Variants in TRAPPC12 observed in about 807,000 individuals in gnomAD.
The protein encoded by TRAPPC12 is trafficking protein particle complex subunit 12.
Under a neutral mutation model 69.2 loss-of-function variants are expected in TRAPPC12, and 61 were observed. The observed-to-expected ratio is 0.88, with a 90% CI of 0.72 to 1.09. TRAPPC12 has a LOEUF of 1.09. Among genes scored for constraint, TRAPPC12 ranks in the 50% least tolerant of loss-of-function variants. The probability of loss-of-function intolerance (pLI) is 0.00; values close to 1 mark genes in which losing one functional copy is unlikely to be tolerated. For missense variants in TRAPPC12, 1,101 were observed against 1,016.4 expected, an observed-to-expected ratio of 1.08 and a Z score of -1.13; for synonymous variants, 469 against 438.9, an observed-to-expected ratio of 1.07 and a Z score of -0.86.
intron 3 of TRAPPC12, among the ~76,000 whole-genome samples, chr2:3,404,557 A>G (rs952447048): frequency 2.6e-5 from 4 of 152,090 alleles, no homozygotes; most frequent in Admixed American, 6.5e-5. Context: ...TATATGCATG[A>G]ACTGGGAGGT....
chr2:3,464,999 C>T (rs970915422), intron 8 of TRAPPC12, among the ~76,000 whole-genome samples: 1 of 152,248 alleles, frequency 6.6e-6, no homozygotes, highest in Non-Finnish European at 1.5e-5. Flanking sequence ...ACATGTTCCC[C>T]CGTAGCTGTC....
In TRAPPC12 at chr2:3,387,900, G is replaced by C. The variant is rs2103428248; in HGVS notation, c.277G>C (p.Glu93Gln). The change falls in exon 2 of 12, where the codon GAG (glutamate) becomes CAG (glutamine). Residue 93 changes from glutamate (E) to glutamine (Q), a missense_variant. Coordinates refer to ENST00000324266, the MANE Select transcript of TRAPPC12 (RefSeq NM_016030.6). ...GDLGRVRDEAEPGGEGDPGPE... is the reference protein window; with the variant it reads ...GDLGRVRDEAQPGGEGDPGPE... ...CCTGGGCCGAGTGCGGGACGAAGCT[G>C]AGCCCGGAGGGGAAGGCGACCCAGG... 1.9e-6 allele frequency: 3 copies of C among 1,555,804 alleles called. No individual in the cohort carries two copies. In the East Asian group the frequency reaches 7.3e-5, roughly 38 times the overall value.
chr2:3,386,704 G>A (rs1660509077), intron 1 of TRAPPC12, among the ~76,000 whole-genome samples: 2 of 151,918 alleles, frequency 1.3e-5, no homozygotes, highest in South Asian at 4.1e-4. Context: ...GAGCTGGGGC[G>A]TGGGGCGGGG....
chr2:3,440,922 T>C (rs1281605408), intron 5 of TRAPPC12, among the ~76,000 whole-genome samples: 1 of 152,224 alleles, frequency 6.6e-6, no homozygotes, highest in African/African-American at 2.4e-5. Context: ...ATGATTTTTG[T>C]TCTTTAGCCT....
At chr2:3,424,454 C>T in intron 4 of TRAPPC12, 71 bp from the exon 5 acceptor site, 1 of 1,424,766 alleles carries the variant, frequency 7.0e-7, no homozygotes. Flanking sequence ...AACACCAACT[C>T]ATAAGGAATA....
At chr2:3,439,282 T>C (rs1664063028) in intron 5 of TRAPPC12, among the ~76,000 whole-genome samples, 1 of 152,336 alleles carries the variant, frequency 6.6e-6, no homozygotes, top group East Asian at 1.9e-4. Flanking sequence ...CATTTATTAA[T>C]TGGGTTGTTT....
At chr2:3,398,487 T>C (rs527932156) in intron 2 of TRAPPC12, among the ~76,000 whole-genome samples, 48 of 152,348 alleles carry the variant, frequency 3.2e-4, no homozygotes, top group African/African-American at 1.1e-3. Flanking sequence ...CCTTTCTGCA[T>C]TGGCGATGTG....
intron 9 of TRAPPC12, among the ~76,000 whole-genome samples, chr2:3,476,730 A>G (rs1053523446): frequency 1.1e-4 from 16 of 152,196 alleles, no homozygotes; most frequent in African/African-American, 3.6e-4. Flanking sequence ...CTAAGAGTTA[A>G]CTAGGCTGCT....
At chr2:3,451,221 G>A (rs879632695) in intron 6 of TRAPPC12, among the ~76,000 whole-genome samples, 4 of 152,190 alleles carry the variant, frequency 2.6e-5, no homozygotes, top group African/African-American at 9.7e-5. Context: ...CTCCCATACT[G>A]TGGGCAGGTG....
chr2:3,401,789 A>G lies in TRAPPC12; in HGVS notation c.1060A>G (p.Lys354Glu). The G allele has an allele frequency of 1.3e-6, 2 of 1,587,256 alleles. No individual in the cohort carries two copies. The highest frequency in any genetic ancestry group is 2.3e-5 in the South Asian group (2 of 85,868). ...RFDNIQGDAVKDLMLRFLGEK... is the reference protein window; with the variant it reads ...RFDNIQGDAVEDLMLRFLGEK... ...CTATTCTTCCCAGGGAGATGCAGTT[A>G]AAGACTTGATGCTTCGCTTTCTGGG... Residue 354 changes from lysine to glutamate, a missense_variant, in exon 3 of 12, where the codon AAA (lysine) becomes GAA (glutamate). Transcript: ENST00000324266.
At chr2:3,423,665 C>T (rs565032692) in intron 4 of TRAPPC12, among the ~76,000 whole-genome samples, 9 of 152,280 alleles carry the variant, frequency 5.9e-5, no homozygotes, top group South Asian at 2.1e-4. Context: ...GCACAAACGA[C>T]GGGATTTCCT....
chr2:3,406,364 C>T (rs1176828541), intron 3 of TRAPPC12, among the ~76,000 whole-genome samples: 1 of 152,198 alleles, frequency 6.6e-6, no homozygotes, highest in East Asian at 1.9e-4. Context: ...TGCCTTTCTT[C>T]CCCACGTTCT....
chr2:3,400,812 G>A (rs1367266178), intron 2 of TRAPPC12, among the ~76,000 whole-genome samples: 1 of 152,178 alleles, frequency 6.6e-6, no homozygotes, highest in East Asian at 1.9e-4. Context: ...GAACTGTGCC[G>A]ACTCCCGAGG....
At chr2:3,466,198 G>A (rs1462193025) in intron 9 of TRAPPC12, 1 of 448,004 alleles carries the variant, frequency 2.2e-6, no homozygotes, top group African/African-American at 2.0e-5. Context: ...TGGTGACAGG[G>A]AGGTCACAGG....
chr2:3,443,160 G>A (rs541152896), intron 5 of TRAPPC12, among the ~76,000 whole-genome samples: 1 of 152,340 alleles, frequency 6.6e-6, no homozygotes, highest in Non-Finnish European at 1.5e-5. Context: ...AAGCCAGGCA[G>A]CTCTGGGTGA....
rs141967286 is a variant in TRAPPC12, at chr2:3,403,189, A to G, written c.1164+1296A>G. 2.4e-4 allele frequency among the ~76,000 whole-genome samples: 36 copies of G among 150,234 alleles called. No individual in the cohort carries two copies. The East Asian group carries it at 3.9e-3, about 16-fold the overall frequency. On this transcript the variant is annotated intron_variant, in intron 3 of 11. Transcript: ENST00000324266. ...ATAGTTCCCCATCTTGTTTTTCTCAATTGTTACTAATTCTTCTGCACCGGG... is the reference window on the plus strand; with the variant it reads ...ATAGTTCCCCATCTTGTTTTTCTCAGTTGTTACTAATTCTTCTGCACCGGG...
intron 5 of TRAPPC12, among the ~76,000 whole-genome samples, chr2:3,436,468 A>G (rs1433103373): frequency 6.6e-6 from 1 of 151,956 alleles, no homozygotes; most frequent in African/African-American, 2.4e-5. Context: ...AGTTCTATAT[A>G]CCCTCTTTTC....
intron 6 of TRAPPC12, chr2:3,455,182 G>A (rs904750344): frequency 3.4e-5 from 5 of 147,536 alleles, no homozygotes; most frequent in Non-Finnish European, 7.6e-5. Flanking sequence ...CTTTCTTCCT[G>A]TGCTCCCTCT....
intron 9 of TRAPPC12, among the ~76,000 whole-genome samples, chr2:3,474,570 G>C (rs996309627): frequency 6.6e-6 from 1 of 152,182 alleles, no homozygotes; most frequent in Non-Finnish European, 1.5e-5. Flanking sequence ...TTTCTGCCAC[G>C]GAAACACTGA....
Sources: gnomAD v4.1 joint callset for allele counts (sites outside exome capture counted in the v4.1 genomes callset) on GRCh38, gnomAD v4.1.1 for gene constraint, MANE v1.5 for transcripts, NCBI Gene and HGNC (gene_info 2026-07-23, HGNC 2026-07-21) for gene names.